The following ABTB3 variants were observed in gnomAD, a reference collection of about 807,000 sequenced individuals.
The protein encoded by ABTB3 is ankyrin repeat- and BTB/POZ domain-containing protein 3.
At chr12:107,546,607 T>C in the ABTB3 span, among the ~76,000 whole-genome samples, 2 of 152,218 alleles carry the variant, frequency 1.3e-5, no homozygotes, top group African/African-American at 2.4e-5. Flanking sequence ...TGAGCTTTAA[T>C]AGTCTTCTGA....
the ABTB3 span, among the ~76,000 whole-genome samples, chr12:107,608,494 C>T: frequency 6.6e-6 from 1 of 152,228 alleles, no homozygotes; most frequent in Admixed American, 6.5e-5. Flanking sequence ...TACCCTCACA[C>T]AACCTGTGTG....
the ABTB3 span, among the ~76,000 whole-genome samples, chr12:107,414,739 G>A: frequency 0.29 from 41,731 of 143,168 alleles, 7,320 homozygotes; most frequent in East Asian, 0.53. Context: ...TTTTTTTGAG[G>A]CAGAGTCTCA....
the ABTB3 span, among the ~76,000 whole-genome samples, chr12:107,586,649 G>T: frequency 6.6e-6 from 1 of 152,168 alleles, no homozygotes; most frequent in Non-Finnish European, 1.5e-5. Flanking sequence ...CTGATCCCTG[G>T]GGAGTTGCTT....
chr12:107,335,216 G>A, the ABTB3 span, among the ~76,000 whole-genome samples: 1 of 133,488 alleles, frequency 7.5e-6, no homozygotes, highest in South Asian at 2.5e-4. Context: ...AAGCCCAGGA[G>A]TTTGAGGCTG....
the ABTB3 span, chr12:107,319,177 G>T: frequency 6.3e-7 from 1 of 1,597,536 alleles, no homozygotes; most frequent in East Asian, 2.2e-5. Flanking sequence ...ACTCCGAGGG[G>T]CTGGACTGCG....
the ABTB3 span, among the ~76,000 whole-genome samples, chr12:107,400,350 T>G: frequency 6.6e-6 from 1 of 152,192 alleles, no homozygotes; most frequent in Non-Finnish European, 1.5e-5. Flanking sequence ...GCCTCTCCAC[T>G]GGGATTTCTG....
At chr12:107,516,512 G>T in the ABTB3 span, among the ~76,000 whole-genome samples, 12 of 152,132 alleles carry the variant, frequency 7.9e-5, no homozygotes, top group Non-Finnish European at 1.8e-4. Context: ...GATTACAGGC[G>T]TGAGACACCA....
chr12:107,353,411 T>C, the ABTB3 span, among the ~76,000 whole-genome samples: 1 of 152,166 alleles, frequency 6.6e-6, no homozygotes, highest in East Asian at 1.9e-4. Context: ...GCACAGTGGA[T>C]ATTGACATGG....
the ABTB3 span, among the ~76,000 whole-genome samples, chr12:107,363,400 G>A: frequency 6.6e-6 from 1 of 152,164 alleles, no homozygotes; most frequent in Non-Finnish European, 1.5e-5. Flanking sequence ...CCTCATTAAG[G>A]ATCTGCTTTA....
chr12:107,539,422 CT>C, the ABTB3 span, among the ~76,000 whole-genome samples: 10 of 151,676 alleles, frequency 6.6e-5, no homozygotes, highest in Non-Finnish European at 1.3e-4. Flanking sequence ...GCTTAGCTTC[CT>C]TTTTTTTTCT....
chr12:107,511,223 C>T, the ABTB3 span, among the ~76,000 whole-genome samples: 7 of 152,170 alleles, frequency 4.6e-5, no homozygotes, highest in Non-Finnish European at 5.9e-5. Context: ...TACACAGCAA[C>T]ATGGGGAAAA....
At chr12:107,504,779 A>C in the ABTB3 span, among the ~76,000 whole-genome samples, 1 of 152,194 alleles carries the variant, frequency 6.6e-6, no homozygotes, top group Non-Finnish European at 1.5e-5. Flanking sequence ...TGGTTTTGAG[A>C]CATCCCTGGG....
the ABTB3 span, among the ~76,000 whole-genome samples, chr12:107,553,187 G>T: frequency 3.3e-5 from 5 of 152,168 alleles, no homozygotes; most frequent in African/African-American, 9.7e-5. Flanking sequence ...GAATGGTGGG[G>T]ATTATTCTCT....
At chr12:107,378,511 A>C in the ABTB3 span, among the ~76,000 whole-genome samples, 1 of 152,212 alleles carries the variant, frequency 6.6e-6, no homozygotes, top group Non-Finnish European at 1.5e-5. Context: ...TAATTTGTCC[A>C]AGGTCTTATA....
At chr12:107,508,434 A>ATTTT in the ABTB3 span, among the ~76,000 whole-genome samples, 8 of 58,710 alleles carry the variant, frequency 1.4e-4, no homozygotes, top group Non-Finnish European at 3.0e-4. Context: ...CTCAAAGATC[A>ATTTT]TTTCTTTTTT....
At chr12:107,323,673 ACTC>A in the ABTB3 span, among the ~76,000 whole-genome samples, 3 of 151,644 alleles carry the variant, frequency 2.0e-5, no homozygotes, top group African/African-American at 7.3e-5. Flanking sequence ...TGTACCTTAA[ACTC>A]CTTTAGAGCT....
chr12:107,332,320 T>C, the ABTB3 span, among the ~76,000 whole-genome samples: 1 of 152,188 alleles, frequency 6.6e-6, no homozygotes, highest in East Asian at 1.9e-4. Flanking sequence ...TCTGACACAT[T>C]CTGACCATTT....
At chr12:107,528,214 G>A in the ABTB3 span, among the ~76,000 whole-genome samples, 1 of 152,164 alleles carries the variant, frequency 6.6e-6, no homozygotes, top group Admixed American at 6.5e-5. Flanking sequence ...AGTCAGGTAG[G>A]TTAGAGTAGC....
the ABTB3 span, among the ~76,000 whole-genome samples, chr12:107,335,006 C>A: frequency 1.3e-5 from 2 of 152,074 alleles, no homozygotes; most frequent in Admixed American, 1.3e-4. Context: ...AGCATTGAGG[C>A]CAGGTGCAGT....
Sources: allele counts gnomAD v4.1 joint callset (sites outside exome capture counted in the v4.1 genomes callset), GRCh38; gene constraint gnomAD v4.1.1; transcripts MANE v1.5; gene names NCBI Gene and HGNC (gene_info 2026-07-23, HGNC 2026-07-21).